The following ADAMTS12 variants were observed in gnomAD, a reference collection of about 807,000 sequenced individuals.
ADAMTS12 encodes A disintegrin and metalloproteinase with thrombospondin motifs 12.
In ADAMTS12, 118 loss-of-function variants were observed where a neutral mutation model predicts 167.8. The observed-to-expected ratio is 0.70, with a 90% CI of 0.61 to 0.82. The LOEUF is 0.82. Among genes scored for constraint, ADAMTS12 ranks in the 40% least tolerant of loss-of-function variants. The probability of loss-of-function intolerance (pLI) is 0.00; values close to 1 mark genes in which losing one functional copy is unlikely to be tolerated. For synonymous variants in ADAMTS12, 704 were observed against 716.9 expected (o/e 0.98, Z 0.29); for missense variants, 1,916 against 1,998.8 (o/e 0.96, Z 0.79).
chr5:33,646,431 T>C (rs75056852), intron 9 of ADAMTS12, among the ~76,000 whole-genome samples: 1 of 152,208 alleles, frequency 6.6e-6, no homozygotes, highest in East Asian at 1.9e-4. Flanking sequence ...ATATAAGGCC[T>C]TGAGTGAAAG....
At position 33,576,023 on chromosome 5, in the gene ADAMTS12, A is replaced by T. The variant is rs371276803; in HGVS notation, c.3972+31T>A. 52 of 1,569,308 alleles carry T rather than the reference A, an allele frequency of 3.3e-5. 1 individual carries two copies. Among genetic ancestry groups the T allele is most frequent in the Non-Finnish European group, 4.2e-5 (49 of 1,160,552 alleles). On this transcript the variant is annotated intron_variant, in intron 19 of 23. Coordinates refer to ENST00000504830, the MANE Select transcript of ADAMTS12 (RefSeq NM_030955.4). ...TAACACTCCTAGCTTTTTTCCATGT[A>T]AAACCAGGCCAGGGGTAGGAAATGT...
intron 2 of ADAMTS12, among the ~76,000 whole-genome samples, chr5:33,861,817 TAACA>T (rs1482262159): frequency 2.6e-5 from 4 of 152,124 alleles, no homozygotes; most frequent in Non-Finnish European, 4.4e-5. Context: ...ACAGAAATCA[TAACA>T]AACAGACTCT....
At chr5:33,593,878 C>A (rs1747772688) in intron 17 of ADAMTS12, among the ~76,000 whole-genome samples, 1 of 152,196 alleles carries the variant, frequency 6.6e-6, no homozygotes, top group Non-Finnish European at 1.5e-5. Flanking sequence ...TTCTCTGCAG[C>A]CATTTCCCCT....
intron 3 of ADAMTS12, among the ~76,000 whole-genome samples, chr5:33,743,633 G>A (rs1744677650): frequency 6.6e-6 from 1 of 152,202 alleles, no homozygotes; most frequent in East Asian, 1.9e-4. Context: ...CACAGTGTGA[G>A]TGTGGGAGCT....
intron 23 of ADAMTS12, among the ~76,000 whole-genome samples, chr5:33,533,956 G>C (rs1744245121): frequency 6.6e-6 from 1 of 152,112 alleles, no homozygotes; most frequent in Non-Finnish European, 1.5e-5. Flanking sequence ...AGCACAAAGG[G>C]CTATCAAATT....
intron 2 of ADAMTS12, among the ~76,000 whole-genome samples, chr5:33,821,573 T>C (rs1053030133): frequency 1.3e-5 from 2 of 152,212 alleles, no homozygotes; most frequent in Admixed American, 6.5e-5. Context: ...TGAACACTCT[T>C]GTCACGATCT....
At chr5:33,733,742 T>C (rs1356666077) in intron 3 of ADAMTS12, among the ~76,000 whole-genome samples, 1 of 152,110 alleles carries the variant, frequency 6.6e-6, no homozygotes, top group Non-Finnish European at 1.5e-5. Flanking sequence ...TGTCATTTTG[T>C]AAACCATCAT....
chr5:33,682,568 A>T (rs1193909849), intron 5 of ADAMTS12, among the ~76,000 whole-genome samples: 1 of 152,004 alleles, frequency 6.6e-6, no homozygotes, highest in East Asian at 1.9e-4. Context: ...CTGAGAATAG[A>T]TGAAATCCCC....
At chr5:33,814,296 CT>C (rs1182960150) in intron 2 of ADAMTS12, among the ~76,000 whole-genome samples, 3 of 152,130 alleles carry the variant, frequency 2.0e-5, no homozygotes, top group Admixed American at 1.3e-4. Flanking sequence ...TTGAGATTTA[CT>C]TTTTTTCCAT....
At chr5:33,781,504 A>G (rs1008449764) in intron 2 of ADAMTS12, among the ~76,000 whole-genome samples, 4 of 152,162 alleles carry the variant, frequency 2.6e-5, no homozygotes, top group Non-Finnish European at 4.4e-5. Context: ...ACTAAGTGAC[A>G]TGACTCACAT....
chr5:33,681,995 T>G (rs1252939584), intron 5 of ADAMTS12, among the ~76,000 whole-genome samples: 2 of 152,220 alleles, frequency 1.3e-5, no homozygotes, highest in Non-Finnish European at 2.9e-5. Context: ...AAATGATCAA[T>G]TATGGCTGCA....
At chr5:33,599,052 T>C (rs1423536) in intron 16 of ADAMTS12, among the ~76,000 whole-genome samples, 75,049 of 151,982 alleles carry the variant, frequency 0.49, 19,001 homozygotes, top group South Asian at 0.62. Flanking sequence ...TCAACCGGCT[T>C]AGGTGCCACT....
intron 19 of ADAMTS12, among the ~76,000 whole-genome samples, chr5:33,568,362 T>A (rs1465626148): frequency 6.6e-6 from 1 of 152,204 alleles, no homozygotes; most frequent in Non-Finnish European, 1.5e-5. Flanking sequence ...CAAGAAATTT[T>A]GGAGGTGGTT....
At chr5:33,554,296 T>C (rs1745394510) in intron 20 of ADAMTS12, among the ~76,000 whole-genome samples, 1 of 152,120 alleles carries the variant, frequency 6.6e-6, no homozygotes, top group African/African-American at 2.4e-5. Flanking sequence ...GTCAGAATGC[T>C]AGAGCAGGGG....
At chr5:33,542,759 G>A (rs1330794736) in intron 22 of ADAMTS12, among the ~76,000 whole-genome samples, 2 of 152,182 alleles carry the variant, frequency 1.3e-5, no homozygotes, top group East Asian at 3.8e-4. Flanking sequence ...GCTCCTGAAT[G>A]ACTACTGGGT....
intron 5 of ADAMTS12, among the ~76,000 whole-genome samples, chr5:33,682,718 T>C (rs1742169712): frequency 6.6e-6 from 1 of 152,178 alleles, no homozygotes. Flanking sequence ...AACCATGTCA[T>C]GATTTAGTCT....
chr5:33,576,603 A>T lies in ADAMTS12; in HGVS notation c.3423T>A (p.Thr1141=). Residue 1141 remains threonine, a synonymous_variant, in exon 19 of 24, where the codon ACT becomes ACA. Transcript: ENST00000504830. Reference sequence around the variant, plus strand: ...CTTTGGTCAAGGTATTGTAAAATGGAGTCACAGGCCAAGTGATAGGGTTGC... The same window carrying T: ...CTTTGGTCAAGGTATTGTAAAATGGTGTCACAGGCCAAGTGATAGGGTTGC... ...SSRNPITWPV[T]PFYNTLTKGP... 1 of 1,614,212 alleles carries T rather than the reference A, an allele frequency of 6.2e-7. No homozygotes were observed. Among genetic ancestry groups the T allele is most frequent in the South Asian group, 1.1e-5 (1 of 91,086 alleles).
intron 3 of ADAMTS12, among the ~76,000 whole-genome samples, chr5:33,705,579 G>A (rs548798656): frequency 3.9e-5 from 6 of 152,156 alleles, no homozygotes; most frequent in Non-Finnish European, 5.9e-5. Flanking sequence ...TTGGGAGGCC[G>A]AGGTGAGTAG....
chr5:33,540,034 G>A (rs1168858733), intron 22 of ADAMTS12, among the ~76,000 whole-genome samples: 2 of 152,240 alleles, frequency 1.3e-5, no homozygotes, highest in Non-Finnish European at 2.9e-5. Flanking sequence ...CAAGGGGTTG[G>A]GGGATTGCCC....
Sources: allele counts gnomAD v4.1 joint callset (sites outside exome capture counted in the v4.1 genomes callset), GRCh38; gene constraint gnomAD v4.1.1; transcripts MANE v1.5; gene names NCBI Gene and HGNC (gene_info 2026-07-23, HGNC 2026-07-21).